NTN1: variants seen among roughly 807,000 people sequenced by gnomAD.
The protein encoded by NTN1 is netrin-1.
NTN1 carries 11 observed loss-of-function variants against 54.2 expected under a neutral mutation model. The observed-to-expected ratio is 0.20, with a 90% CI of 0.13 to 0.34. The LOEUF (loss-of-function observed/expected upper bound fraction) is 0.34. Among genes scored for constraint, NTN1 ranks in the 10% least tolerant of loss-of-function variants. The pLI, the probability that NTN1 is intolerant of heterozygous loss-of-function variation, is 1.00. For missense variants in NTN1, 740 were observed against 893.1 expected (o/e 0.83, Z 2.18); for synonymous variants, 371 against 382.0 (o/e 0.97, Z 0.33).
intron 3 of NTN1, among the ~76,000 whole-genome samples, chr17:9,168,499 TC>T (rs1199816713): frequency 1.3e-5 from 2 of 150,836 alleles, no homozygotes; most frequent in African/African-American, 4.9e-5. Flanking sequence ...GCCATTGCAC[TC>T]CAGCCTGGGC....
chr17:9,230,384 TTGCTGA>T (rs1905764700), intron 6 of NTN1, among the ~76,000 whole-genome samples: 1 of 152,080 alleles, frequency 6.6e-6, no homozygotes, highest in South Asian at 2.1e-4. Context: ...TTTCGGAGAC[TTGCTGA>T]CCCTTCCCTG....
At chr17:9,209,119 T>A (rs910367649) in intron 5 of NTN1, among the ~76,000 whole-genome samples, 2 of 152,234 alleles carry the variant, frequency 1.3e-5, no homozygotes, top group Non-Finnish European at 2.9e-5. Flanking sequence ...CTTACCCATC[T>A]CACGGCACCA....
At chr17:9,098,660 A>G (rs971315783) in intron 2 of NTN1, among the ~76,000 whole-genome samples, 3 of 152,182 alleles carry the variant, frequency 2.0e-5, no homozygotes, top group Non-Finnish European at 4.4e-5. Flanking sequence ...ACACCTGCAT[A>G]TGAAGAAAAC....
intron 2 of NTN1, among the ~76,000 whole-genome samples, chr17:9,103,851 C>T (rs1336409961): frequency 2.6e-5 from 4 of 151,816 alleles, no homozygotes; most frequent in Non-Finnish European, 5.9e-5. Context: ...TTTGGGAGGT[C>T]GAGGTGGGTG....
At chr17:9,183,035 A>T in intron 5 of NTN1, 66 bp downstream of exon 5, 4 of 1,499,648 alleles carry the variant, frequency 2.7e-6, no homozygotes, top group Non-Finnish European at 3.7e-6. Flanking sequence ...GGGTGGGTTA[A>T]TGGGGAAGGG....
chr17:9,004,214 C>A, the NTN1 span, among the ~76,000 whole-genome samples: 1 of 152,280 alleles, frequency 6.6e-6, no homozygotes, highest in Non-Finnish European at 1.5e-5. Context: ...GCCCGCGGCC[C>A]AGACCCTCCG....
At chr17:9,233,805 C>T (rs766142797) in intron 6 of NTN1, among the ~76,000 whole-genome samples, 23 of 151,172 alleles carry the variant, frequency 1.5e-4, no homozygotes, top group African/African-American at 3.5e-4. Flanking sequence ...CAGCCAGGGA[C>T]GCGGGAAGCA....
At chr17:9,202,568 C>T (rs1382981632) in intron 5 of NTN1, among the ~76,000 whole-genome samples, 1 of 152,112 alleles carries the variant, frequency 6.6e-6, no homozygotes, top group Non-Finnish European at 1.5e-5. Context: ...GGGGGGACTT[C>T]AGTATCTACC....
intron 2 of NTN1, among the ~76,000 whole-genome samples, chr17:9,161,180 G>A (rs1567724951): frequency 1.3e-5 from 2 of 152,146 alleles, no homozygotes; most frequent in Non-Finnish European, 2.9e-5. Flanking sequence ...GGGTGCCCAC[G>A]CCAGGCTGGT....
chr17:9,148,729 A>G (rs1371744989), intron 2 of NTN1, among the ~76,000 whole-genome samples: 1 of 152,052 alleles, frequency 6.6e-6, no homozygotes, highest in African/African-American at 2.4e-5. Context: ...TCCAGCGTGC[A>G]GATTGGGACC....
At chr17:9,004,319 T>C in the NTN1 span, among the ~76,000 whole-genome samples, 1 of 152,234 alleles carries the variant, frequency 6.6e-6, no homozygotes, top group African/African-American at 2.4e-5. Context: ...AGGGTCGACC[T>C]GCACAGACTT....
intron 2 of NTN1, among the ~76,000 whole-genome samples, chr17:9,044,380 G>A (rs2151514135): frequency 6.6e-6 from 1 of 151,932 alleles, no homozygotes; most frequent in East Asian, 1.9e-4. Flanking sequence ...GACTACAGGT[G>A]TGTGCCACCA....
At chr17:9,100,503 A>G (rs1406034456) in intron 2 of NTN1, among the ~76,000 whole-genome samples, 1 of 151,440 alleles carries the variant, frequency 6.6e-6, no homozygotes. Flanking sequence ...GGGTTTCACC[A>G]TGTTGGCCAG....
chr17:9,053,011 C>A lies in NTN1; in HGVS notation c.1018+29620C>A, dbSNP rs553660497. The stretch of plus-strand genomic sequence containing the variant: ...GTTATTATGTGGATTAAGAACCAGG[C>A]CCAAAGTTGATTCTTTCCCATTGTT... On this transcript the variant is annotated intron_variant, in intron 2 of 6. Coordinates refer to ENST00000173229, the MANE Select transcript of NTN1 (RefSeq NM_004822.3). 3.3e-5 allele frequency among the ~76,000 whole-genome samples: 5 copies of A among 152,294 alleles called. No homozygotes were observed. In the East Asian group the frequency reaches 9.6e-4, roughly 29 times the overall value.
intron 5 of NTN1, among the ~76,000 whole-genome samples, chr17:9,218,931 A>C (rs1409129860): frequency 6.9e-6 from 1 of 145,004 alleles, no homozygotes; most frequent in Non-Finnish European, 1.5e-5. Context: ...AAAAAAAAAA[A>C]TTGCGAGGAG....
Position 9,239,950 on chromosome 17 carries a change from C to G in NTN1, c.1797C>G (p.Gly599=). Residue 599 remains glycine (G), a synonymous_variant, in exon 7 of 7, where the codon GGC becomes GGG. Transcript: ENST00000173229. This position sits in a 1 kb window ranked among gnomAD's most constrained non-coding sequence, Gnocchi z 5.2. The part of the protein sequence containing the change: ...LRKFQQREKK[G]KCKKA Reference sequence around the variant, plus strand: ...AGTTCCAGCAGCGTGAGAAGAAGGGCAAGTGCAAGAAGGCCTAGCGCCGAG... The same window carrying G: ...AGTTCCAGCAGCGTGAGAAGAAGGGGAAGTGCAAGAAGGCCTAGCGCCGAG... 7.7e-7 allele frequency: 1 copy of G among 1,306,740 alleles called. No homozygotes were observed. The highest frequency in any genetic ancestry group is 1.0e-6 in the Non-Finnish European group (1 of 993,574). The allele number at this position is 1,306,740 out of a possible 1,614,324, so 80.9% of individuals were successfully genotyped here.
intron 6 of NTN1, among the ~76,000 whole-genome samples, chr17:9,226,412 G>A (rs1163751283): frequency 1.4e-5 from 2 of 146,094 alleles, no homozygotes; most frequent in African/African-American, 5.1e-5. Context: ...GGTGGGGGCC[G>A]TGGGGAGGCG....
intron 5 of NTN1, among the ~76,000 whole-genome samples, chr17:9,204,343 G>T (rs1904909423): frequency 6.6e-6 from 1 of 150,870 alleles, no homozygotes; most frequent in South Asian, 2.1e-4. Context: ...GCCCAGGCTG[G>T]AGTGCAGTGG....
In NTN1 at chr17:9,202,563, G is replaced by A. The variant is rs7215049; in HGVS notation, c.1412-18605G>A. On this transcript the variant is annotated intron_variant, in intron 5 of 6. Coordinates refer to ENST00000173229, the MANE Select transcript of NTN1 (RefSeq NM_004822.3). ...CAGAATTTGGTCTTGCCGGTGGGGGGACTTCAGTATCTACCATGGTGTGAC... is the reference window on the plus strand; with the variant it reads ...CAGAATTTGGTCTTGCCGGTGGGGGAACTTCAGTATCTACCATGGTGTGAC... 1.8e-3 allele frequency among the ~76,000 whole-genome samples: 270 copies of A among 152,266 alleles called. 1 individual carries two copies. Among genetic ancestry groups the A allele is most frequent in the African/African-American group, 6.1e-3 (254 of 41,536 alleles).
Sources: gnomAD v4.1 joint callset for allele counts (sites outside exome capture counted in the v4.1 genomes callset) on GRCh38, gnomAD v4.1.1 for gene constraint, Gnocchi (gnomAD v3.1) non-coding constraint, MANE v1.5 for transcripts, NCBI Gene and HGNC (gene_info 2026-07-23, HGNC 2026-07-21) for gene names.